The following PIERCE2 variants were observed in gnomAD, a reference collection of about 807,000 sequenced individuals.
PIERCE2 encodes piercer of microtubule wall 2.
chr15:55,416,206 C>A, the PIERCE2 span, among the ~76,000 whole-genome samples: 1 of 151,914 alleles, frequency 6.6e-6, no homozygotes, highest in Non-Finnish European at 1.5e-5. Context: ...TCCAAGGGAT[C>A]CTCTCCTGCC....
At chr15:55,414,824 G>A in the PIERCE2 span, among the ~76,000 whole-genome samples, 185 of 152,240 alleles carry the variant, frequency 1.2e-3, no homozygotes, top group African/African-American at 4.3e-3. Context: ...GTTGCAGTGA[G>A]CCGAGATGGC....
the PIERCE2 span, chr15:55,408,637 G>T: frequency 3.2e-6 from 2 of 622,694 alleles, no homozygotes. Context: ...GATCCACCCA[G>T]CTATTCATCT....
the PIERCE2 span, among the ~76,000 whole-genome samples, chr15:55,411,743 GA>G: frequency 4.3e-4 from 66 of 152,182 alleles, no homozygotes; most frequent in African/African-American, 1.4e-3. Flanking sequence ...CTAACATGGA[GA>G]AACCCCATCT....
the PIERCE2 span, among the ~76,000 whole-genome samples, chr15:55,410,080 G>T: frequency 7.0e-6 from 1 of 142,464 alleles, no homozygotes; most frequent in Non-Finnish European, 1.6e-5. Context: ...TTAGAAAACT[G>T]CAGTGGTTGT....
the PIERCE2 span, chr15:55,408,755 AAAG>A: frequency 1.6e-5 from 24 of 1,527,494 alleles, no homozygotes; most frequent in Admixed American, 8.0e-5. Context: ...AAAAATTAAC[AAAG>A]AAGAGCGAAA....
chr15:55,413,112 CA>C, the PIERCE2 span, among the ~76,000 whole-genome samples: 2 of 151,968 alleles, frequency 1.3e-5, no homozygotes, highest in African/African-American at 4.8e-5. Flanking sequence ...ACTAAAAATA[CA>C]AAAAATTAGC....
the PIERCE2 span, among the ~76,000 whole-genome samples, chr15:55,415,501 C>T: frequency 0.11 from 16,531 of 150,914 alleles, 1,330 homozygotes; most frequent in African/African-American, 0.22. Context: ...GGGCTTTATT[C>T]GGCCATTCGG....
chr15:55,413,982 C>T, the PIERCE2 span, among the ~76,000 whole-genome samples: 2 of 151,130 alleles, frequency 1.3e-5, no homozygotes, highest in Non-Finnish European at 3.0e-5. Flanking sequence ...AAGGCAAGCT[C>T]CATCTCCCAG....
chr15:55,413,728 C>A, the PIERCE2 span, among the ~76,000 whole-genome samples: 6 of 136,544 alleles, frequency 4.4e-5, no homozygotes, highest in African/African-American at 1.6e-4. Flanking sequence ...CCATTGCACT[C>A]CAGCCTGGGC....
the PIERCE2 span, among the ~76,000 whole-genome samples, chr15:55,413,415 C>T: frequency 6.6e-6 from 1 of 152,190 alleles, no homozygotes; most frequent in South Asian, 2.1e-4. Flanking sequence ...CAGAGAAAAA[C>T]TTTCTCCCTT....
chr15:55,408,701 A>T, the PIERCE2 span: 1 of 1,121,762 alleles, frequency 8.9e-7, no homozygotes, highest in Non-Finnish European at 1.3e-6. Context: ...CTAGGCGTTC[A>T]CCGGCTTTCT....
At chr15:55,411,908 C>T in the PIERCE2 span, among the ~76,000 whole-genome samples, 2 of 148,676 alleles carry the variant, frequency 1.3e-5, no homozygotes, top group African/African-American at 2.4e-5. Context: ...GCAACAAGAG[C>T]AAAACTCCTT....
chr15:55,414,731 A>G, the PIERCE2 span, among the ~76,000 whole-genome samples: 1 of 151,918 alleles, frequency 6.6e-6, no homozygotes, highest in Non-Finnish European at 1.5e-5. Context: ...TACAAAAATT[A>G]GCTGGGCATG....
chr15:55,417,382 C>T, the PIERCE2 span, among the ~76,000 whole-genome samples: 3 of 152,130 alleles, frequency 2.0e-5, no homozygotes, highest in Non-Finnish European at 4.4e-5. Context: ...TAACCCCCAA[C>T]ACTAGATAAG....
chr15:55,414,186 C>A, the PIERCE2 span, among the ~76,000 whole-genome samples: 8 of 145,936 alleles, frequency 5.5e-5, no homozygotes, highest in African/African-American at 1.8e-4. Context: ...CGTGAGCCAC[C>A]GCGCCAGGCC....
At chr15:55,418,397 C>G in the PIERCE2 span, 2 of 1,533,726 alleles carry the variant, frequency 1.3e-6, no homozygotes, top group Non-Finnish European at 1.7e-6. Flanking sequence ...CAATTCAAGT[C>G]ATTATGGTGA....
chr15:55,410,870 G>A, the PIERCE2 span: 1 of 152,148 alleles, frequency 6.6e-6, no homozygotes, highest in Admixed American at 6.5e-5. Flanking sequence ...AAGCTGATCA[G>A]TTGAGATACC....
At chr15:55,418,527 G>A in the PIERCE2 span, 1 of 1,515,298 alleles carries the variant, frequency 6.6e-7, no homozygotes, top group Non-Finnish European at 8.8e-7. Flanking sequence ...GCACCTGACA[G>A]AACCAGAACT....
chr15:55,418,764 A>C, the PIERCE2 span: 1 of 476,288 alleles, frequency 2.1e-6, no homozygotes. Context: ...AGCAAAATAA[A>C]AGGTAGAAAG....
Sources: gnomAD v4.1 joint callset for allele counts (sites outside exome capture counted in the v4.1 genomes callset) on GRCh38, gnomAD v4.1.1 for gene constraint, MANE v1.5 for transcripts, NCBI Gene and HGNC (gene_info 2026-07-23, HGNC 2026-07-21) for gene names.